The following PPP2R2B variants were observed in gnomAD, a reference collection of about 807,000 sequenced individuals.
PPP2R2B encodes protein phosphatase 2 regulatory subunit Bbeta.
Under a neutral mutation model 46.0 loss-of-function variants are expected in PPP2R2B, and 5 were observed. The ratio of observed to expected loss-of-function variants is 0.11; its 90% CI spans 0.06 to 0.23. PPP2R2B has a LOEUF of 0.23. Among genes scored for constraint, PPP2R2B ranks in the 10% least tolerant of loss-of-function variants. PPP2R2B has a pLI of 1.00. For missense variants in PPP2R2B, 367 were observed against 575.0 expected, an observed-to-expected ratio of 0.64 and a Z score of 3.70; for synonymous variants, 215 against 206.7, an observed-to-expected ratio of 1.04 and a Z score of -0.34.
At position 146,878,477 on chromosome 5, in the gene PPP2R2B, A is replaced by G; in HGVS notation, c.-125+114T>C. ...GGTTCCCCTCCTTGGCAGCCGCTCC[A>G]AAATGCAAAAAAGATCCCTCCTCCC... is the stretch of plus-strand genomic sequence containing the variant. On this transcript the variant is annotated intron_variant, in intron 1 of 9. Transcript: ENST00000394411. The surrounding 1 kb of genome is among the most constrained non-coding windows in gnomAD (Gnocchi z 4.5). 7.5e-7 allele frequency: 1 copy of G among 1,329,748 alleles called. No individual in the cohort carries two copies. The highest frequency in any genetic ancestry group is 9.6e-7 in the Non-Finnish European group (1 of 1,037,182). 82.4% of individuals were successfully genotyped at this position (1,329,748 alleles called of 1,614,324 possible). A position where few individuals can be genotyped will look rare whatever the true frequency, so the allele number is the denominator to read the frequency against.
chr5:147,030,965 G>T (rs1213821865), intron 1 of PPP2R2B, among the ~76,000 whole-genome samples: 1 of 152,092 alleles, frequency 6.6e-6, no homozygotes, highest in African/African-American at 2.4e-5. Flanking sequence ...GGCCGTGCGC[G>T]GTGGCTCACG....
At chr5:147,017,533 C>G (rs1755062531) in intron 1 of PPP2R2B, among the ~76,000 whole-genome samples, 1 of 151,292 alleles carries the variant, frequency 6.6e-6, no homozygotes, top group African/African-American at 2.4e-5. Context: ...CTGGTGAACA[C>G]AGCATTTAAA....
chr5:146,762,810 T>A (rs1292360877), intron 2 of PPP2R2B, among the ~76,000 whole-genome samples: 1 of 152,166 alleles, frequency 6.6e-6, no homozygotes, highest in Admixed American at 6.5e-5. Flanking sequence ...AGGCTGTGGA[T>A]TCATAGAAGG....
At chr5:146,699,865 C>T (rs1273379248) in intron 3 of PPP2R2B, among the ~76,000 whole-genome samples, 2 of 151,904 alleles carry the variant, frequency 1.3e-5, no homozygotes, top group African/African-American at 4.8e-5. Context: ...ATGTGCCAGA[C>T]CAATTAGCAC....
chr5:146,842,351 A>G (rs1041797035), intron 2 of PPP2R2B, among the ~76,000 whole-genome samples: 1 of 150,284 alleles, frequency 6.7e-6, no homozygotes, highest in Admixed American at 6.7e-5. Context: ...CCCCAAAAGT[A>G]TAAGAGCCTA....
At chr5:146,705,365 A>G (rs1779771613) in intron 2 of PPP2R2B, among the ~76,000 whole-genome samples, 1 of 152,194 alleles carries the variant, frequency 6.6e-6, no homozygotes, top group Non-Finnish European at 1.5e-5. Context: ...TGAAATGATC[A>G]TAGTTACCAG....
chr5:147,055,967 C>T, exon 1 of PPP2R2B: 1 of 1,376,246 alleles, frequency 7.3e-7, no homozygotes, highest in Non-Finnish European at 9.4e-7. Context: ...AACTCAGAAG[C>T]CCCCAAGCAA....
intron 5 of PPP2R2B, among the ~76,000 whole-genome samples, chr5:146,667,611 A>G (rs1203909137): frequency 6.6e-6 from 1 of 152,062 alleles, no homozygotes; most frequent in East Asian, 1.9e-4. Flanking sequence ...AAGTACAGAA[A>G]AATATTACAG....
intron 4 of PPP2R2B, among the ~76,000 whole-genome samples, chr5:146,697,511 C>A (rs1332204432): frequency 6.6e-6 from 1 of 152,188 alleles, no homozygotes; most frequent in Non-Finnish European, 1.5e-5. Context: ...TCTCTTCTTG[C>A]CTTGTGCTCC....
intron 2 of PPP2R2B, among the ~76,000 whole-genome samples, chr5:146,780,000 A>G (rs1755412663): frequency 6.6e-6 from 1 of 152,180 alleles, no homozygotes; most frequent in African/African-American, 2.4e-5. Flanking sequence ...TCTGTATTCC[A>G]TAGAGTAGCT....
chr5:146,642,375 A>T lies in PPP2R2B; in HGVS notation c.626-3960T>A, dbSNP rs762320306. Among the ~76,000 whole-genome samples the T allele has an allele frequency of 2.0e-5, 3 of 152,228 alleles. No individual in the cohort carries two copies. The South Asian group carries it at 6.2e-4, about 32-fold the overall frequency. On this transcript the variant is annotated intron_variant, in intron 6 of 9. Coordinates refer to ENST00000394411, the MANE Select transcript of PPP2R2B (RefSeq NM_181675.4). ...TCATGGCAGGATGGTAAGAGGTAGC[A>T]TGGGGGCCATTCAAACATCATTTCC... is the stretch of plus-strand genomic sequence containing the variant.
intron 2 of PPP2R2B, among the ~76,000 whole-genome samples, chr5:146,857,914 C>T (rs1456690025): frequency 2.0e-5 from 3 of 152,118 alleles, no homozygotes; most frequent in East Asian, 1.9e-4. Context: ...CTCGAACTCC[C>T]GACCTCAGGT....
intron 1 of PPP2R2B, among the ~76,000 whole-genome samples, chr5:147,019,118 T>C (rs1755140362): frequency 6.6e-6 from 1 of 152,172 alleles, no homozygotes; most frequent in African/African-American, 2.4e-5. Flanking sequence ...ATCTGGCACT[T>C]AGTTAGAAAT....
intron 1 of PPP2R2B, among the ~76,000 whole-genome samples, chr5:146,965,714 T>A (rs1752370436): frequency 6.6e-6 from 1 of 152,238 alleles, no homozygotes; most frequent in Non-Finnish European, 1.5e-5. Flanking sequence ...ACAAATATAA[T>A]GCCCTAATAT....
intron 2 of PPP2R2B, among the ~76,000 whole-genome samples, chr5:146,727,409 T>C (rs916166764): frequency 3.3e-5 from 5 of 152,086 alleles, no homozygotes; most frequent in South Asian, 2.1e-4. Context: ...TGTGGATGGA[T>C]TAAATAAAGC....
In PPP2R2B at chr5:146,691,251, C is replaced by A; in HGVS notation, c.335-11G>T. Reference sequence around the variant, plus strand: ...GCTTCACAGTTTTATCTGTAGTGGGCAACCAGATTAAGTCAGAATTATAGT... The same window carrying A: ...GCTTCACAGTTTTATCTGTAGTGGGAAACCAGATTAAGTCAGAATTATAGT... On this transcript the variant is annotated splice_polypyrimidine_tract_variant and intron_variant, in intron 4 of 9. Transcript: ENST00000394411. 1.2e-6 allele frequency: 2 copies of A among 1,609,108 alleles called. No individual in the cohort carries two copies. Among genetic ancestry groups the A allele is most frequent in the Non-Finnish European group, 1.7e-6 (2 of 1,175,954 alleles).
At chr5:146,943,345 G>GA (rs1313311590) in intron 1 of PPP2R2B, among the ~76,000 whole-genome samples, 44 of 152,136 alleles carry the variant, frequency 2.9e-4, no homozygotes, top group Admixed American at 2.9e-3. Context: ...CTAATTCACA[G>GA]AAAAATGCAT....
intron 6 of PPP2R2B, among the ~76,000 whole-genome samples, chr5:146,648,076 A>G (rs1775704777): frequency 6.6e-6 from 1 of 152,202 alleles, no homozygotes; most frequent in Non-Finnish European, 1.5e-5. Flanking sequence ...GGGTCTTTTT[A>G]TCCTGGGCAC....
At chr5:146,719,003 C>T (rs138217057) in intron 2 of PPP2R2B, among the ~76,000 whole-genome samples, 4 of 152,318 alleles carry the variant, frequency 2.6e-5, no homozygotes, top group African/African-American at 9.6e-5. Context: ...ACCACACCTG[C>T]AGCACAGAAT....
Sources: gnomAD v4.1 joint callset for allele counts (sites outside exome capture counted in the v4.1 genomes callset) on GRCh38, gnomAD v4.1.1 for gene constraint, Gnocchi (gnomAD v3.1) non-coding constraint, MANE v1.5 for transcripts, NCBI Gene and HGNC (gene_info 2026-07-23, HGNC 2026-07-21) for gene names.